The following SQLE variants were observed in gnomAD, a reference collection of about 807,000 sequenced individuals.
SQLE encodes squalene epoxidase.
SQLE carries 29 observed loss-of-function variants against 60.7 expected under a neutral mutation model. The observed-to-expected ratio is 0.48, with a 90% CI of 0.36 to 0.65. The LOEUF (loss-of-function observed/expected upper bound fraction) is 0.65. Ranked by LOEUF, SQLE falls within the 30% of genes least tolerant of loss-of-function variation. SQLE has a pLI of 0.00. For missense variants in SQLE, 605 were observed against 684.1 expected (o/e 0.88, Z 1.29); for synonymous variants, 237 against 246.8 (o/e 0.96, Z 0.37).
intron 3 of SQLE, 26 bp downstream of exon 3, chr8:125,005,731 A>G: frequency 6.7e-7 from 1 of 1,497,042 alleles, no homozygotes; most frequent in Non-Finnish European, 9.0e-7. Context: ...CAAATATATA[A>G]TTACTAAAGA....
intron 1 of SQLE, among the ~76,000 whole-genome samples, chr8:125,000,466 CAA>C (rs1457958844): frequency 6.6e-6 from 1 of 152,154 alleles, no homozygotes; most frequent in African/African-American, 2.4e-5. Flanking sequence ...TTTTTTGAGA[CAA>C]AGTCTCGCTC....
intron 7 of SQLE, among the ~76,000 whole-genome samples, chr8:125,013,210 A>G (rs1815063638): frequency 6.6e-6 from 1 of 152,022 alleles, no homozygotes; most frequent in Admixed American, 6.6e-5. Context: ...TTTTCTTTCC[A>G]TTCTTCTTAA....
Position 124,998,711 on chromosome 8 carries a change from G to A in SQLE, c.-693G>A. On this transcript the variant is annotated 5_prime_UTR_variant, in exon 1 of 11. Transcript: ENST00000265896. ...TCGCGGTGGGCGGCTCTGGGGGCCA[G>A]CGAAACGGGAGGCCTCTAAATCTTT... The A allele has an allele frequency of 1.7e-6, 1 of 603,096 alleles. No homozygotes were observed. 37.4% of individuals were successfully genotyped at this position (603,096 alleles called of 1,614,324 possible). A position where few individuals can be genotyped will look rare whatever the true frequency, so the allele number is the denominator to read the frequency against.
chr8:125,021,542 G>T (rs1352219046), intron 10 of SQLE, among the ~76,000 whole-genome samples: 1 of 73,126 alleles, frequency 1.4e-5, no homozygotes, highest in Non-Finnish European at 2.5e-5. Flanking sequence ...AAAAAAAAAA[G>T]GGGGGTGGGG....
At chr8:125,006,522 A>G (rs796270504) in intron 3 of SQLE, among the ~76,000 whole-genome samples, 2 of 151,024 alleles carry the variant, frequency 1.3e-5, no homozygotes, top group African/African-American at 2.4e-5. Flanking sequence ...TTGGGAGGCT[A>G]AGGCAGGAGA....
chr8:125,021,601 C>A (rs1417578740), intron 10 of SQLE, among the ~76,000 whole-genome samples, 152 bp from the exon 11 acceptor site: 2 of 151,420 alleles, frequency 1.3e-5, no homozygotes, highest in African/African-American at 4.9e-5. Context: ...TTGTGACGTC[C>A]TCTAAAATGT....
At chr8:125,010,458 G>C (rs1588114137) in intron 6 of SQLE, among the ~76,000 whole-genome samples, 1 of 152,158 alleles carries the variant, frequency 6.6e-6, no homozygotes, top group Non-Finnish European at 1.5e-5. Context: ...GATATGATTA[G>C]AGTAATAGGA....
chr8:125,020,325 A>C (rs988075753), intron 9 of SQLE, among the ~76,000 whole-genome samples: 4 of 152,178 alleles, frequency 2.6e-5, no homozygotes, highest in Non-Finnish European at 1.5e-5. Flanking sequence ...AGTTACTTTG[A>C]AAGGTATTAA....
At position 124,998,600 on chromosome 8, in the gene SQLE, A is replaced by G. The variant is rs193223578; in HGVS notation, c.-804A>G. 2,970 of 686,020 alleles carry G rather than the reference A, an allele frequency of 4.3e-3. 58 individuals carry two copies. The African/African-American group carries it at 0.047, about 11-fold the overall frequency. The allele number at this position is 686,020 out of a possible 1,614,324, so 42.5% of individuals were successfully genotyped here. A position where few individuals can be genotyped will look rare whatever the true frequency, so the allele number is the denominator to read the frequency against. On this transcript the variant is annotated 5_prime_UTR_variant, in exon 1 of 11. The change abolishes an upstream ATG in the 5' untranslated region. Coordinates refer to ENST00000265896, the MANE Select transcript of SQLE (RefSeq NM_003129.4). Reference sequence around the variant, plus strand: ...TGGCGAGAGCCGCCGCCCGCGAGGGATGCTGGTGAGGAAGCCGTCGGGAGC... The same window carrying G: ...TGGCGAGAGCCGCCGCCCGCGAGGGGTGCTGGTGAGGAAGCCGTCGGGAGC...
intron 9 of SQLE, 140 bp from the exon 10 acceptor site, chr8:125,020,644 G>A (rs1448875982): frequency 1.7e-6 from 1 of 586,292 alleles, no homozygotes; most frequent in East Asian, 2.9e-5. Flanking sequence ...AAGAAATCCT[G>A]GTTGTTGAAA....
rs1815141626 is a variant in SQLE, at chr8:125,018,221, C to T, written c.1347+20C>T. Reference sequence around the variant, plus strand: ...TTCGAGGTAAGATCAATTATTTTGACAAAAATGTCTCAAAATGGATTTATT... The same window carrying T: ...TTCGAGGTAAGATCAATTATTTTGATAAAAATGTCTCAAAATGGATTTATT... On this transcript the variant is annotated intron_variant, in intron 8 of 10. Transcript: ENST00000265896. The T allele has an allele frequency of 1.2e-6, 2 of 1,608,632 alleles. No individual in the cohort carries two copies. The highest frequency in any genetic ancestry group is 2.7e-5 in the African/African-American group (2 of 74,428).
intron 10 of SQLE, 83 bp from the exon 11 acceptor site, chr8:125,021,670 C>T: frequency 1.0e-6 from 1 of 987,566 alleles, no homozygotes; most frequent in Non-Finnish European, 1.5e-6. Context: ...GTTTGTTGAG[C>T]TTCGTAGATT....
intron 7 of SQLE, 34 bp downstream of exon 7, chr8:125,011,666 C>A (rs1815041372): frequency 1.3e-6 from 2 of 1,490,286 alleles, no homozygotes; most frequent in Admixed American, 2.0e-5. Flanking sequence ...ATAAAGGAAT[C>A]AGTATTCCAA....
chr8:125,003,139 A>G, intron 1 of SQLE, 37 bp from the exon 2 acceptor site: 2 of 1,546,050 alleles, frequency 1.3e-6, no homozygotes, highest in Admixed American at 4.2e-5. Context: ...AATCTAACAA[A>G]TTTGGATACC....
intron 1 of SQLE, among the ~76,000 whole-genome samples, chr8:125,001,571 T>G (rs781595072): frequency 8.6e-5 from 13 of 151,254 alleles, no homozygotes; most frequent in Non-Finnish European, 1.6e-4. Context: ...CTACAGTAAT[T>G]TAAATATAGT....
intron 2 of SQLE, among the ~76,000 whole-genome samples, chr8:125,003,940 C>T (rs563135596): frequency 6.6e-6 from 1 of 152,116 alleles, no homozygotes; most frequent in East Asian, 1.9e-4. Context: ...GAAGCAAGCC[C>T]TCCCCTGTCT....
intron 1 of SQLE, 34 bp from the exon 2 acceptor site, chr8:125,003,142 T>G: frequency 6.5e-7 from 1 of 1,550,252 alleles, no homozygotes; most frequent in Non-Finnish European, 8.7e-7. Context: ...CTAACAAATT[T>G]GGATACCTAG....
Position 124,998,804 on chromosome 8 carries a change from T to C in SQLE, c.-600T>C, listed in dbSNP as rs1036231619. 4.0e-6 allele frequency: 2 copies of C among 493,888 alleles called. No individual in the cohort carries two copies. Among genetic ancestry groups the C allele is most frequent in the African/African-American group, 4.1e-5 (2 of 48,994 alleles). The allele number at this position is 493,888 out of a possible 1,614,324, so 30.6% of individuals were successfully genotyped here. The stretch of plus-strand genomic sequence containing the variant: ...AGGCCATCTTTTGTTGGAGAAGGCG[T>C]CGGCGTTGGCGTTTTCCCGAGGTTG... On this transcript the variant is annotated 5_prime_UTR_variant, in exon 1 of 11. Coordinates refer to ENST00000265896, the MANE Select transcript of SQLE (RefSeq NM_003129.4).
At position 124,999,115 on chromosome 8, in the gene SQLE, C is replaced by T. The variant is rs1174522839; in HGVS notation, c.-289C>T. 2 of 356,060 alleles carry T rather than the reference C, an allele frequency of 5.6e-6. No homozygotes were observed. The highest frequency in any genetic ancestry group is 5.0e-6 in the Non-Finnish European group (1 of 200,372). The allele number at this position is 356,060 out of a possible 1,614,324, so 22.1% of individuals were successfully genotyped here. ...ATCAAAAAAGAAAAAAAGGGAATAT[C>T]TGGATTTCCTGGGCGAGGAGGAGCG... On this transcript the variant is annotated 5_prime_UTR_variant, in exon 1 of 11. Transcript: ENST00000265896.
Sources: allele counts gnomAD v4.1 joint callset (sites outside exome capture counted in the v4.1 genomes callset), GRCh38; gene constraint gnomAD v4.1.1; transcripts MANE v1.5; gene names NCBI Gene and HGNC (gene_info 2026-07-23, HGNC 2026-07-21).